The following NUP214 variants were observed in gnomAD, a reference collection of about 807,000 sequenced individuals.
NUP214 encodes the protein nuclear pore complex protein Nup214.
NUP214 carries 79 observed loss-of-function variants against 196.2 expected under a neutral mutation model. The ratio of observed to expected loss-of-function variants is 0.40; its 90% CI spans 0.34 to 0.49. NUP214 has a LOEUF of 0.49. Ranked by LOEUF, NUP214 falls within the 20% of genes least tolerant of loss-of-function variation. NUP214 has a pLI of 0.58. For missense variants in NUP214, 2,468 were observed against 2,539.0 expected (o/e 0.97, Z 0.60); for synonymous variants, 1,020 against 990.5 (o/e 1.03, Z -0.56).
chr9:131,125,780 C>A lies in NUP214; in HGVS notation c.45+31C>A, dbSNP rs1218454333. The A allele has an allele frequency of 6.5e-7, 1 of 1,550,246 alleles. No homozygotes were observed. Among genetic ancestry groups the A allele is most frequent in the Non-Finnish European group, 8.7e-7 (1 of 1,146,194 alleles). Reference sequence around the variant, plus strand: ...AGACTAACCGGGGCCTCCCTCCCTTCTTTAGTCCTGGCGTTGCCTTGGAGC... The same window carrying A: ...AGACTAACCGGGGCCTCCCTCCCTTATTTAGTCCTGGCGTTGCCTTGGAGC... On this transcript the variant is annotated intron_variant, in intron 1 of 35. Transcript: ENST00000359428. This position sits in a 1 kb window ranked among gnomAD's most constrained non-coding sequence, Gnocchi z 4.1.
intron 26 of NUP214, 158 bp from the exon 27 acceptor site, chr9:131,192,050 C>A: frequency 2.0e-6 from 1 of 490,276 alleles, no homozygotes; most frequent in Admixed American, 3.9e-5. Flanking sequence ...AGGCAACGTG[C>A]TCACTCCCCA....
chr9:131,180,960 G>A (rs1833261496), intron 24 of NUP214, among the ~76,000 whole-genome samples: 1 of 152,250 alleles, frequency 6.6e-6, no homozygotes, highest in East Asian at 1.9e-4. Flanking sequence ...CTAACAGACT[G>A]ATTGTTTGGA....
intron 31 of NUP214, 95 bp from the exon 32 acceptor site, chr9:131,222,683 T>C: frequency 6.9e-7 from 1 of 1,447,280 alleles, no homozygotes; most frequent in African/African-American, 1.4e-5. Context: ...CACTCCCATC[T>C]TTCCAAACAC....
At chr9:131,217,503 G>A (rs1030235844) in intron 31 of NUP214, among the ~76,000 whole-genome samples, 3 of 152,208 alleles carry the variant, frequency 2.0e-5, no homozygotes, top group Non-Finnish European at 2.9e-5. Context: ...AGGACCGTGA[G>A]GCTCCATAGC....
chr9:131,188,607 A>G (rs906701397), intron 25 of NUP214, among the ~76,000 whole-genome samples: 5 of 152,254 alleles, frequency 3.3e-5, no homozygotes, highest in African/African-American at 7.2e-5. Flanking sequence ...AAAACACATG[A>G]TAAGGCATAA....
At chr9:131,130,678 A>G (rs1831520755) in intron 4 of NUP214, 88 bp from the exon 5 acceptor site, 2 of 1,181,992 alleles carry the variant, frequency 1.7e-6, no homozygotes, top group South Asian at 1.2e-5. Flanking sequence ...TGACAGAGGA[A>G]TGAGAATTGA....
At chr9:131,219,981 G>C (rs1351112600) in intron 31 of NUP214, among the ~76,000 whole-genome samples, 2 of 152,170 alleles carry the variant, frequency 1.3e-5, no homozygotes, top group African/African-American at 4.8e-5. Context: ...TTTATATTAA[G>C]TATAATTTAA....
At chr9:131,180,249 A>G (rs1024730401) in intron 24 of NUP214, among the ~76,000 whole-genome samples, 7 of 152,250 alleles carry the variant, frequency 4.6e-5, no homozygotes, top group African/African-American at 1.7e-4. Flanking sequence ...TATGCCCAGC[A>G]TGGTGCCTGA....
intron 11 of NUP214, among the ~76,000 whole-genome samples, chr9:131,140,973 A>G (rs1288314708): frequency 1.3e-5 from 2 of 152,200 alleles, no homozygotes; most frequent in Admixed American, 6.5e-5. Context: ...TCGTTTACCA[A>G]CAGTTTTCTA....
At chr9:131,179,109 A>G (rs1161579388) in intron 24 of NUP214, among the ~76,000 whole-genome samples, 1 of 152,080 alleles carries the variant, frequency 6.6e-6, no homozygotes, top group Non-Finnish European at 1.5e-5. Flanking sequence ...CCATGCTCCC[A>G]TATCTGCCTC....
rs1003111403 is a variant in NUP214, at chr9:131,163,952, C to G, written c.2806C>G (p.Pro936Ala). The G allele has an allele frequency of 2.5e-6, 4 of 1,613,874 alleles. No homozygotes were observed. Among genetic ancestry groups the G allele is most frequent in the Non-Finnish European group, 3.4e-6 (4 of 1,179,788 alleles). ...ESHTKSLPKV[P>A]AKLSPMKQAQ... ...TCACACCAAATCCTTGCCCAAAGTA[C>G]CAGGTAATTGCATCCTTCCCAGTCT... The change falls in exon 20 of 36, where the codon CCA (proline) becomes GCA (alanine). Residue 936 changes from proline (P) to alanine (A), a missense_variant. Transcript: ENST00000359428.
intron 30 of NUP214, among the ~76,000 whole-genome samples, chr9:131,212,009 A>G (rs762125042): frequency 6.6e-6 from 1 of 152,214 alleles, no homozygotes; most frequent in South Asian, 2.1e-4. Flanking sequence ...GAGAAATAAC[A>G]CTGAGTTCTT....
intron 3 of NUP214, 87 bp downstream of exon 3, chr9:131,128,570 T>A: frequency 8.3e-7 from 1 of 1,204,528 alleles, no homozygotes; most frequent in Non-Finnish European, 1.1e-6. Context: ...CTTCATAGGT[T>A]AACCCTTGAA....
chr9:131,207,508 G>T (rs1834119244), intron 30 of NUP214, among the ~76,000 whole-genome samples: 1 of 152,170 alleles, frequency 6.6e-6, no homozygotes, highest in African/African-American at 2.4e-5. Flanking sequence ...TTCCAAGGAG[G>T]AACATTCCAA....
In NUP214 at chr9:131,146,292, C is replaced by T. The variant is rs368586981; in HGVS notation, c.1933C>T (p.Pro645Ser). Residue 645 changes from proline to serine, a missense_variant, in exon 13 of 36, where the codon CCC becomes TCC. Pro to Ser is a moderately conservative substitution (Grantham distance 74). Coordinates refer to ENST00000359428, the MANE Select transcript of NUP214 (RefSeq NM_005085.4). The surrounding 1 kb of genome is among the most constrained non-coding windows in gnomAD (Gnocchi z 4.6). Reference protein sequence around the residue: ...SSVPLKSSVLPSPSGRSAQGS... With the variant: ...SSVPLKSSVLSSPSGRSAQGS... ...CGTGCCATTGAAGTCCTCAGTCTTG[C>T]CCTCACCATCAGGTATGATTTTAAG... The T allele has an allele frequency of 6.2e-7, 1 of 1,614,144 alleles. No homozygotes were observed. Among genetic ancestry groups the T allele is most frequent in the East Asian group, 2.2e-5 (1 of 44,882 alleles).
intron 2 of NUP214, 45 bp from the exon 3 acceptor site, chr9:131,128,287 C>A: frequency 6.3e-7 from 1 of 1,581,500 alleles, no homozygotes; most frequent in Non-Finnish European, 8.6e-7. Context: ...TGGCTTTATG[C>A]TTAGAACATA....
chr9:131,159,338 C>T lies in NUP214; in HGVS notation c.2437-45C>T, dbSNP rs201794794. ...CTGTTTTGATACATCTTCCCCCAAA[C>T]TATCAGAAAAACAAGTTATTTGCCT... On this transcript the variant is annotated intron_variant, in intron 17 of 35. Coordinates refer to ENST00000359428, the MANE Select transcript of NUP214 (RefSeq NM_005085.4). 1.0e-3 allele frequency: 1,440 copies of T among 1,409,488 alleles called. 20 individuals are homozygous for T. In the South Asian group the frequency reaches 0.011, roughly 11 times the overall value. 87.3% of individuals were successfully genotyped at this position (1,409,488 alleles called of 1,614,324 possible).
At chr9:131,171,064 TCAGTGGGACGCTCTTTCTAATGCCAGG>T (rs1832944016) in intron 21 of NUP214, among the ~76,000 whole-genome samples, 1 of 152,116 alleles carries the variant, frequency 6.6e-6, no homozygotes, top group Non-Finnish European at 1.5e-5. Flanking sequence ...TCTTTAAATT[TCAGTGGGACGCTCTTTCTAATGCCAGG>T]CAGTTAGCTG....
chr9:131,214,265 G>A (rs1323298734), intron 30 of NUP214, among the ~76,000 whole-genome samples: 1 of 152,170 alleles, frequency 6.6e-6, no homozygotes, highest in Non-Finnish European at 1.5e-5. Flanking sequence ...TTGGTTCATT[G>A]TGGTTAAAAC....
Sources: gnomAD v4.1 joint callset for allele counts (sites outside exome capture counted in the v4.1 genomes callset) on GRCh38, gnomAD v4.1.1 for gene constraint, Gnocchi (gnomAD v3.1) non-coding constraint, MANE v1.5 for transcripts, NCBI Gene and HGNC (gene_info 2026-07-23, HGNC 2026-07-21) for gene names.